The following DST variants were observed in gnomAD, a reference collection of about 807,000 sequenced individuals.
DST encodes the protein bullous pemphigoid antigen.
DST carries 253 observed loss-of-function variants against 875.2 expected under a neutral mutation model. That is an observed-to-expected ratio of 0.29 (90% CI 0.26 to 0.32). The LOEUF (loss-of-function observed/expected upper bound fraction) is 0.32. Ranked by LOEUF, DST falls within the 10% of genes least tolerant of loss-of-function variation. The pLI, the probability that DST is intolerant of heterozygous loss-of-function variation, is 1.00. For missense variants in DST, 8,287 were observed against 9,111.6 expected, an observed-to-expected ratio of 0.91 and a Z score of 3.68; for synonymous variants, 3,124 against 3,197.1, an observed-to-expected ratio of 0.98 and a Z score of 0.77.
rs754965874 is a variant in DST, at chr6:56,625,236, C to T, written c.4751G>A (p.Arg1584Gln). ...KDYELQTMTYRAMVDSQQKSP... is the reference protein window; with the variant it reads ...KDYELQTMTYQAMVDSQQKSP... ...TTTTTGTTGTGAATCTACCATGGCC[C>T]GGTAGGTCATTGTTTGTAATTCATA... Residue 1584 changes from arginine (R) to glutamine (Q), a missense_variant, in exon 35 of 104, where the codon CGG becomes CAG. Around this residue, in one of 10 missense-constraint regions of DST, gnomAD observed 3,138 missense variants for 3,116.6 expected, o/e 1.01. Coordinates refer to ENST00000680361, the MANE Select transcript of DST (RefSeq NM_001374736.1). 11 of 1,612,704 alleles carry T rather than the reference C, an allele frequency of 6.8e-6. No individual in the cohort carries two copies. Among genetic ancestry groups the T allele is most frequent in the South Asian group, 5.5e-5 (5 of 91,056 alleles).
At chr6:56,490,177 A>C (rs1334311312) in intron 85 of DST, among the ~76,000 whole-genome samples, 1 of 152,172 alleles carries the variant, frequency 6.6e-6, no homozygotes, top group Non-Finnish European at 1.5e-5. Flanking sequence ...AATATCCTCA[A>C]ATCAATGCCT....
At chr6:56,862,011 C>T (rs1424722233) in intron 3 of DST, 2 of 152,176 alleles carry the variant, frequency 1.3e-5, no homozygotes, top group African/African-American at 4.8e-5. Flanking sequence ...TTCTTATGTA[C>T]TTCAGAATCC....
chr6:56,683,278 C>T (rs1010158950), intron 9 of DST, among the ~76,000 whole-genome samples: 3 of 152,168 alleles, frequency 2.0e-5, no homozygotes, highest in Admixed American at 6.5e-5. Context: ...ATTCGTGATA[C>T]ACCTCGAATA....
chr6:56,782,101 G>A (rs974479543), intron 4 of DST, among the ~76,000 whole-genome samples: 7 of 151,640 alleles, frequency 4.6e-5, no homozygotes, highest in African/African-American at 9.7e-5. Flanking sequence ...TAAGCTTTTC[G>A]ATGTGCTGCT....
Position 56,650,325 on chromosome 6 carries a change from CAAAAA to C in DST, c.1434+596_1434+600del, listed in dbSNP as rs70989721. 8.7e-3 allele frequency among the ~76,000 whole-genome samples: 423 copies of C among 48,714 alleles called. 1 individual carries two copies. Among genetic ancestry groups the C allele is most frequent in the African/African-American group, 0.031 (400 of 12,778 alleles). 32.0% of individuals were successfully genotyped at this position (48,714 alleles called of 152,430 possible). On this transcript the variant is annotated intron_variant, in intron 12 of 103. Coordinates refer to ENST00000680361, the MANE Select transcript of DST (RefSeq NM_001374736.1). ...ATAAGCACTTGTTAGCATAACCACC[CAAAAA>C]AAAAAAAAAAAAAAAAAAGCATCAC...
intron 90 of DST, among the ~76,000 whole-genome samples, chr6:56,478,057 C>CA (rs34310283): frequency 4.6e-5 from 7 of 151,758 alleles, no homozygotes; most frequent in African/African-American, 1.2e-4. Flanking sequence ...CTGTATTATA[C>CA]AAAAAAATAA....
intron 9 of DST, among the ~76,000 whole-genome samples, chr6:56,694,496 G>A (rs2099251621): frequency 6.6e-6 from 1 of 152,102 alleles, no homozygotes; most frequent in Admixed American, 6.5e-5. Context: ...AGAGAAGCTG[G>A]TAAAAATAAG....
At chr6:56,493,526 T>C (rs2095817839) in intron 83 of DST, among the ~76,000 whole-genome samples, 1 of 152,136 alleles carries the variant, frequency 6.6e-6, no homozygotes, top group African/African-American at 2.4e-5. Context: ...TTTCTTAGAT[T>C]GTCAGTTTTG....
At position 56,601,549 on chromosome 6, in the gene DST, A is replaced by G; in HGVS notation, c.11435T>C (p.Leu3812Ser). ...PNQSKQLLRL[L>S]NTTQKCFLDV... ...AAGAAAACACTTCTGAGTTGTATTT[A>G]AGAGCCTCAGCAGTTGTTTGCTTTG... The change falls in exon 44 of 104, where the codon TTA becomes TCA. Residue 3812 changes from leucine to serine, a missense_variant. By Grantham distance (145) the Leu-to-Ser change is moderately radical. Around this residue, in one of 10 missense-constraint regions of DST, gnomAD observed 3,138 missense variants for 3,116.6 expected, o/e 1.01. Coordinates refer to ENST00000680361, the MANE Select transcript of DST (RefSeq NM_001374736.1). The G allele has an allele frequency of 6.2e-7, 1 of 1,605,238 alleles. No individual in the cohort carries two copies. Among genetic ancestry groups the G allele is most frequent in the African/African-American group, 1.3e-5 (1 of 74,908 alleles).
intron 12 of DST, 37 bp from the exon 13 acceptor site, chr6:56,648,726 T>C: frequency 6.6e-7 from 1 of 1,511,170 alleles, no homozygotes. Flanking sequence ...TTCACATCTG[T>C]AGATAATAAC....
chr6:56,680,443 A>G (rs2099151543), intron 9 of DST, among the ~76,000 whole-genome samples: 2 of 152,360 alleles, frequency 1.3e-5, no homozygotes, highest in Non-Finnish European at 2.9e-5. Context: ...TGTACCATTA[A>G]CAGGCATTGG....
In DST at chr6:56,743,016, A is replaced by G. The variant is rs116021714; in HGVS notation, c.626-7727T>C. Among the ~76,000 whole-genome samples, 611 of 152,344 alleles carry G rather than the reference A, an allele frequency of 4.0e-3. 6 individuals carry two copies. The highest frequency in any genetic ancestry group is 0.014 in the African/African-American group (585 of 41,592). On this transcript the variant is annotated intron_variant, in intron 4 of 103. Coordinates refer to ENST00000680361, the MANE Select transcript of DST (RefSeq NM_001374736.1). Reference sequence around the variant, plus strand: ...ATTCCACAGCCAAAGTGGGATCTTAAGAAGTCTGATTCTAAACGTTTATGT... The same window carrying G: ...ATTCCACAGCCAAAGTGGGATCTTAGGAAGTCTGATTCTAAACGTTTATGT...
At chr6:56,615,953 T>A in intron 36 of DST, 1 of 1,614,234 alleles carries the variant, frequency 6.2e-7, no homozygotes, top group Non-Finnish European at 8.5e-7. Context: ...CAGGCCTCTA[T>A]GCAAAGCTTC....
intron 4 of DST, among the ~76,000 whole-genome samples, chr6:56,786,821 C>T (rs967697619): frequency 3.3e-5 from 5 of 152,134 alleles, no homozygotes. Context: ...ACTCCCAACC[C>T]CAATACCTTT....
chr6:56,473,611 A>G (rs568314009), intron 93 of DST, among the ~76,000 whole-genome samples: 1 of 152,108 alleles, frequency 6.6e-6, no homozygotes, highest in Non-Finnish European at 1.5e-5. Context: ...CTTACTGTAA[A>G]TTTTTTCAAT....
intron 92 of DST, among the ~76,000 whole-genome samples, chr6:56,475,237 T>C (rs901284060): frequency 6.6e-6 from 1 of 152,030 alleles, no homozygotes; most frequent in Non-Finnish European, 1.5e-5. Context: ...CTGTGAAAAG[T>C]GATGGGGAAA....
intron 4 of DST, among the ~76,000 whole-genome samples, chr6:56,826,265 C>T (rs2099780380): frequency 6.6e-6 from 1 of 152,220 alleles, no homozygotes; most frequent in Admixed American, 6.5e-5. Flanking sequence ...ACCAGATGGT[C>T]TATTAAGTCA....
chr6:56,609,415 GTT>G, intron 39 of DST, 71 bp from the exon 40 acceptor site: 1 of 1,102,746 alleles, frequency 9.1e-7, no homozygotes, highest in Non-Finnish European at 1.3e-6. Flanking sequence ...TGCAACTTAG[GTT>G]TTTTAAAAAA....
At chr6:56,815,302 A>T (rs931505590) in intron 4 of DST, among the ~76,000 whole-genome samples, 3 of 152,096 alleles carry the variant, frequency 2.0e-5, no homozygotes, top group Non-Finnish European at 4.4e-5. Context: ...AGTATATATA[A>T]GACTTGTTTT....
Sources: allele counts gnomAD v4.1 joint callset (sites outside exome capture counted in the v4.1 genomes callset), GRCh38; gene constraint gnomAD v4.1.1; regional missense constraint gnomAD v4.1.1; transcripts MANE v1.5; gene names NCBI Gene and HGNC (gene_info 2026-07-23, HGNC 2026-07-21).